COL15A1: variants seen among roughly 807,000 people sequenced by gnomAD.
COL15A1 encodes collagen type XV alpha 1 chain.
Under a neutral mutation model 165.9 loss-of-function variants are expected in COL15A1, and 111 were observed. The ratio of observed to expected loss-of-function variants is 0.67; its 90% CI spans 0.57 to 0.78. The LOEUF (loss-of-function observed/expected upper bound fraction) is 0.78, where lower values mean the gene tolerates loss of function less well. Among genes scored for constraint, COL15A1 ranks in the 30% least tolerant of loss-of-function variants. COL15A1 has a pLI of 0.00. For missense variants in COL15A1, 1,745 were observed against 1,789.7 expected, an observed-to-expected ratio of 0.98 and a Z score of 0.45; for synonymous variants, 659 against 674.8, an observed-to-expected ratio of 0.98 and a Z score of 0.36.
intron 7 of COL15A1, among the ~76,000 whole-genome samples, chr9:99,001,503 A>G (rs1381629150): frequency 6.6e-6 from 1 of 152,198 alleles, no homozygotes; most frequent in Non-Finnish European, 1.5e-5. Flanking sequence ...CAGCTCTCTC[A>G]GTCACTATCT....
rs751580096 is a variant in COL15A1 at position 99,016,039 on chromosome 9, G to C, written c.1567G>C (p.Gly523Arg). The change falls in exon 11 of 42, where the codon GGT becomes CGT. Residue 523 changes from glycine to arginine, a missense_variant. By Grantham distance (125) the Gly-to-Arg change is moderately radical. Coordinates refer to ENST00000375001, the MANE Select transcript of COL15A1 (RefSeq NM_001855.5). Reference protein sequence around the residue: ...TTEEPLITAGGEESGSPPPDG... With the variant: ...TTEEPLITAGREESGSPPPDG... ...AGAGGAGCCCCTCATCACAGCTGGG[G>C]GTGAAGAGTCCGGCAGCCCTCCCCC... is the stretch of plus-strand genomic sequence containing the variant. The C allele has an allele frequency of 1.2e-6, 2 of 1,614,072 alleles. No individual in the cohort carries two copies. The highest frequency in any genetic ancestry group is 1.7e-6 in the Non-Finnish European group (2 of 1,179,924).
intron 26 of COL15A1, among the ~76,000 whole-genome samples, chr9:99,045,696 T>C (rs1226686142): frequency 1.3e-5 from 2 of 152,216 alleles, no homozygotes; most frequent in East Asian, 1.9e-4. Flanking sequence ...AACCTGCCCA[T>C]GTGACACAGC....
intron 30 of COL15A1, among the ~76,000 whole-genome samples, chr9:99,051,510 C>T (rs1294128923): frequency 6.6e-6 from 1 of 152,176 alleles, no homozygotes; most frequent in African/African-American, 2.4e-5. Context: ...AGTTTCAGCT[C>T]CTTCCAACAC....
rs1245688616 is a variant in COL15A1, at chr9:99,047,768, C to T, written c.2680-18C>T. 6.2e-7 allele frequency: 1 copy of T among 1,613,722 alleles called. No individual in the cohort carries two copies. The highest frequency in any genetic ancestry group is 2.2e-5 in the East Asian group (1 of 44,878). ...GACTTTCTGTTCTTTTCTAATCTGGCATTTGTTTTGCCTCTAGGGGCCCAA... is the reference window on the plus strand; with the variant it reads ...GACTTTCTGTTCTTTTCTAATCTGGTATTTGTTTTGCCTCTAGGGGCCCAA... On this transcript the variant is annotated intron_variant, in intron 26 of 41. Coordinates refer to ENST00000375001, the MANE Select transcript of COL15A1 (RefSeq NM_001855.5).
chr9:98,957,090 G>A (rs964188397), intron 2 of COL15A1, among the ~76,000 whole-genome samples: 9 of 152,168 alleles, frequency 5.9e-5, no homozygotes, highest in African/African-American at 2.2e-4. Flanking sequence ...ATGGAATCAA[G>A]GCTGATAATC....
chr9:99,067,483 T>C (rs573711064), intron 40 of COL15A1, among the ~76,000 whole-genome samples: 2 of 152,354 alleles, frequency 1.3e-5, no homozygotes, highest in Admixed American at 6.5e-5. Flanking sequence ...TTTGGTGTTC[T>C]GTGCCCATTT....
chr9:99,036,229 G>C (rs1428009067), intron 20 of COL15A1, 24 bp downstream of exon 20: 2 of 1,613,384 alleles, frequency 1.2e-6, no homozygotes, highest in Admixed American at 3.3e-5. Flanking sequence ...GCCAAGGTGG[G>C]GGTGGGAGGG....
Position 98,985,547 on chromosome 9 carries a change from C to T in COL15A1, c.101-18C>T. 1 of 1,599,156 alleles carries T rather than the reference C, an allele frequency of 6.3e-7. No individual in the cohort carries two copies. Among genetic ancestry groups the T allele is most frequent in the Middle Eastern group, 1.7e-4 (1 of 5,796 alleles). On this transcript the variant is annotated intron_variant, in intron 2 of 41. Coordinates refer to ENST00000375001, the MANE Select transcript of COL15A1 (RefSeq NM_001855.5). ...GGAATATACCTGTAAAGCGTGGCCT[C>T]TCTCTCCCTCCCTGCAGAGACTGCT...
chr9:99,060,083 C>A, intron 36 of COL15A1, 130 bp downstream of exon 36: 2 of 924,316 alleles, frequency 2.2e-6, no homozygotes, highest in Non-Finnish European at 3.1e-6. Flanking sequence ...TGGTGCAATT[C>A]CATAAATAGT....
chr9:99,043,836 T>A (rs1268093958), intron 24 of COL15A1, among the ~76,000 whole-genome samples: 3 of 152,200 alleles, frequency 2.0e-5, no homozygotes, highest in African/African-American at 7.2e-5. Context: ...TTGACAATCA[T>A]CTTCTCAGCA....
intron 9 of COL15A1, among the ~76,000 whole-genome samples, chr9:99,011,423 A>AAAGAAC (rs548063268): frequency 7.4e-6 from 1 of 135,136 alleles, no homozygotes; most frequent in African/African-American, 2.8e-5. Context: ...AAAAAAAAAA[A>AAAGAAC]AGTCATTTTA....
At chr9:99,034,703 A>C in intron 17 of COL15A1, 119 bp downstream of exon 17, 1 of 1,441,814 alleles carries the variant, frequency 6.9e-7, no homozygotes, top group Non-Finnish European at 9.2e-7. Flanking sequence ...GTCATGGAAC[A>C]GAGAGGAACA....
rs187775579 is a variant in COL15A1, at chr9:99,064,881, T to A, written c.3651+1772T>A. ...TTAGGGCAGTAGCTAAAGGATTTTT[T>A]AAATGGTATTTTATAAATTCAGAAC... On this transcript the variant is annotated intron_variant, in intron 39 of 41. Coordinates refer to ENST00000375001, the MANE Select transcript of COL15A1 (RefSeq NM_001855.5). 1.2e-3 allele frequency among the ~76,000 whole-genome samples: 189 copies of A among 152,338 alleles called. 1 individual carries two copies. Among genetic ancestry groups the A allele is most frequent in the African/African-American group, 4.4e-3 (184 of 41,576 alleles).
chr9:99,063,061 T>C lies in COL15A1; in HGVS notation c.3603T>C (p.Leu1201=), dbSNP rs771044595. 6.3e-7 allele frequency: 1 copy of C among 1,592,734 alleles called. No individual in the cohort carries two copies. The highest frequency in any genetic ancestry group is 8.5e-7 in the Non-Finnish European group (1 of 1,173,064). ...PPALSSNPHQ[L]LPPPNPISSA... ...CCTTTTCATAACAGCCACATCAGCT[T>C]CTGCCTCCACCAAACCCTATTTCAA... The change falls in exon 39 of 42, where the codon CTT becomes CTC. Residue 1201 remains leucine, a synonymous_variant. Coordinates refer to ENST00000375001, the MANE Select transcript of COL15A1 (RefSeq NM_001855.5).
chr9:98,944,343 A>G, intron 2 of COL15A1, 93 bp downstream of exon 2: 1 of 1,241,802 alleles, frequency 8.1e-7, no homozygotes, highest in Admixed American at 2.0e-5. Flanking sequence ...TGCGTGCCTC[A>G]TTCCTGGACA....
At chr9:98,967,958 T>C (rs1307123628) in intron 2 of COL15A1, among the ~76,000 whole-genome samples, 2 of 152,196 alleles carry the variant, frequency 1.3e-5, no homozygotes, top group Non-Finnish European at 2.9e-5. Flanking sequence ...GTCTCGAGAA[T>C]CTGCATCTCT....
At position 99,070,260 on chromosome 9, in the gene COL15A1, T is replaced by G; in HGVS notation, c.*374T>G. The G allele has an allele frequency of 4.5e-6, 1 of 222,624 alleles. No homozygotes were observed. The highest frequency in any genetic ancestry group is 6.0e-5 in the South Asian group (1 of 16,572). The allele number at this position is 222,624 out of a possible 1,614,324, so 13.8% of individuals were successfully genotyped here. A position where few individuals can be genotyped will look rare whatever the true frequency, so the allele number is the denominator to read the frequency against. ...TGAGTGTAAGATGTCCTTCATGTTT[T>G]CTTATAAAGTCAGTGTTTAGAAATG... On this transcript the variant is annotated 3_prime_UTR_variant, in exon 42 of 42. Coordinates refer to ENST00000375001, the MANE Select transcript of COL15A1 (RefSeq NM_001855.5).
chr9:99,067,798 ATTATTT>A (rs1825918627), intron 40 of COL15A1, among the ~76,000 whole-genome samples: 1 of 152,144 alleles, frequency 6.6e-6, no homozygotes, highest in Admixed American at 6.5e-5. Flanking sequence ...ACCCACTGAA[ATTATTT>A]TTATTCTTGG....
chr9:98,973,771 G>A (rs1025843014), intron 2 of COL15A1, among the ~76,000 whole-genome samples: 18 of 152,254 alleles, frequency 1.2e-4, no homozygotes, highest in Admixed American at 1.0e-3. Context: ...CCCTGTTGGA[G>A]TCATTCCTTC....
Sources: allele counts gnomAD v4.1 joint callset (sites outside exome capture counted in the v4.1 genomes callset), GRCh38; gene constraint gnomAD v4.1.1; transcripts MANE v1.5; gene names NCBI Gene and HGNC (gene_info 2026-07-23, HGNC 2026-07-21).